The following TSGA10 variants were observed in gnomAD, a reference collection of about 807,000 sequenced individuals.
TSGA10 encodes the protein testis-specific gene 10 protein.
In TSGA10, 43 loss-of-function variants were observed where a neutral mutation model predicts 96.6. The ratio of observed to expected loss-of-function variants is 0.44; its 90% CI spans 0.35 to 0.57. The LOEUF is 0.57. TSGA10 is among the 20% of genes least tolerant of loss of function. The probability of loss-of-function intolerance (pLI) is 0.01; values close to 1 mark genes in which losing one functional copy is unlikely to be tolerated. For synonymous variants in TSGA10, 229 were observed against 269.9 expected (o/e 0.85, Z 1.48); for missense variants, 703 against 834.4 (o/e 0.84, Z 1.94).
chr2:99,124,084 C>T (rs1468032776), intron 2 of TSGA10, among the ~76,000 whole-genome samples: 1 of 152,240 alleles, frequency 6.6e-6, no homozygotes, highest in Non-Finnish European at 1.5e-5. Context: ...CTCCATTTTA[C>T]ATTCCCATCG....
chr2:99,056,741 C>T (rs1029907218), intron 16 of TSGA10, among the ~76,000 whole-genome samples: 3 of 149,420 alleles, frequency 2.0e-5, no homozygotes, highest in African/African-American at 7.4e-5. Context: ...GCCAGTCTCA[C>T]TCTGATATTA....
intron 17 of TSGA10, among the ~76,000 whole-genome samples, chr2:99,026,179 G>A (rs752200407): frequency 3.3e-5 from 5 of 151,960 alleles, no homozygotes; most frequent in Admixed American, 2.6e-4. Context: ...TTGAAAGTGG[G>A]GTATTGACAT....
intron 11 of TSGA10, among the ~76,000 whole-genome samples, chr2:99,079,407 C>G (rs917398759): frequency 6.6e-6 from 1 of 152,142 alleles, no homozygotes; most frequent in Non-Finnish European, 1.5e-5. Flanking sequence ...ATGATTGGTA[C>G]AGAAGAATAG....
chr2:99,002,195 G>A (rs57166293), intron 20 of TSGA10, among the ~76,000 whole-genome samples: 4,473 of 152,164 alleles, frequency 0.029, 209 homozygotes, highest in African/African-American at 0.099. Context: ...CAGATTCACC[G>A]AAGTTGAAAT....
intron 20 of TSGA10, among the ~76,000 whole-genome samples, chr2:99,011,997 G>C (rs1028123780): frequency 2.0e-5 from 3 of 152,140 alleles, no homozygotes; most frequent in African/African-American, 7.2e-5. Flanking sequence ...TTTCTCAGCA[G>C]AAACCCTACA....
chr2:99,008,697 A>G (rs2078714935), intron 20 of TSGA10, among the ~76,000 whole-genome samples: 1 of 152,226 alleles, frequency 6.6e-6, no homozygotes, highest in South Asian at 2.1e-4. Context: ...AGATACTGCA[A>G]CATGAGAATA....
At chr2:99,111,315 GTTCAA>G (rs2091790257) in intron 4 of TSGA10, among the ~76,000 whole-genome samples, 1 of 152,202 alleles carries the variant, frequency 6.6e-6, no homozygotes, top group African/African-American at 2.4e-5. Flanking sequence ...CAACTGCTTA[GTTCAA>G]TTCAATCCAC....
intron 16 of TSGA10, among the ~76,000 whole-genome samples, chr2:99,059,913 CA>C (rs35460548): frequency 0.039 from 2,115 of 54,424 alleles, 15 homozygotes; most frequent in South Asian, 0.093. Flanking sequence ...GACCCCATCT[CA>C]AAAAAAAAAA....
At chr2:99,098,545 T>TA (rs1465084737) in intron 10 of TSGA10, among the ~76,000 whole-genome samples, 2 of 143,474 alleles carry the variant, frequency 1.4e-5, no homozygotes, top group African/African-American at 5.2e-5. Flanking sequence ...AAAAGAAATC[T>TA]AAAAAAAATA....
chr2:99,098,159 C>T (rs192484248), intron 10 of TSGA10, among the ~76,000 whole-genome samples: 7 of 151,872 alleles, frequency 4.6e-5, no homozygotes, highest in Non-Finnish European at 7.4e-5. Context: ...AAGGCCTAGC[C>T]GGGCACGGTG....
At position 98,998,796 on chromosome 2, in the gene TSGA10, T is replaced by C. The variant is rs139412515; in HGVS notation, c.2073-575A>G. Reference sequence around the variant, plus strand: ...ACTGTGCTAATGTCAATATCCCAGTTTGTAAGATACTCCATTATAGAAGCT... The same window carrying C: ...ACTGTGCTAATGTCAATATCCCAGTCTGTAAGATACTCCATTATAGAAGCT... On this transcript the variant is annotated intron_variant, in intron 20 of 20. Coordinates refer to ENST00000393483, the MANE Select transcript of TSGA10 (RefSeq NM_025244.4). Among the ~76,000 whole-genome samples, 399 of 152,312 alleles carry C rather than the reference T, an allele frequency of 2.6e-3. 2 individuals carry two copies. The highest frequency in any genetic ancestry group is 9.0e-3 in the African/African-American group (374 of 41,576).
intron 10 of TSGA10, among the ~76,000 whole-genome samples, chr2:99,091,826 G>A (rs1016516490): frequency 6.6e-6 from 1 of 152,010 alleles, no homozygotes; most frequent in Non-Finnish European, 1.5e-5. Context: ...AATAGTGGGG[G>A]ACTTCAATAC....
chr2:99,074,608 ATAATT>A (rs1243080594), intron 12 of TSGA10, among the ~76,000 whole-genome samples: 4 of 152,240 alleles, frequency 2.6e-5, no homozygotes, highest in Non-Finnish European at 4.4e-5. Flanking sequence ...TTTTTGAAAT[ATAATT>A]TAATACATTT....
chr2:99,122,244 G>A (rs996096029), intron 2 of TSGA10, among the ~76,000 whole-genome samples: 12 of 151,996 alleles, frequency 7.9e-5, no homozygotes, highest in African/African-American at 1.4e-4. Context: ...AGAATTCTAC[G>A]TTGATTTATT....
chr2:99,127,878 C>T (rs1403372460), intron 1 of TSGA10, among the ~76,000 whole-genome samples: 2 of 152,146 alleles, frequency 1.3e-5, no homozygotes, highest in South Asian at 2.1e-4. Context: ...CAAATAATTT[C>T]ATTTCTAGAA....
intron 7 of TSGA10, among the ~76,000 whole-genome samples, chr2:99,106,286 T>C (rs2091325627): frequency 6.6e-6 from 1 of 152,190 alleles, no homozygotes; most frequent in Non-Finnish European, 1.5e-5. Context: ...TCTATTCAGA[T>C]AGTCTCCAAG....
At chr2:99,143,527 T>C (rs975196172) in intron 1 of TSGA10, among the ~76,000 whole-genome samples, 17 of 150,374 alleles carry the variant, frequency 1.1e-4, no homozygotes, top group African/African-American at 3.2e-4. Context: ...CTGGAGTGCG[T>C]TGGCATGATC....
intron 12 of TSGA10, among the ~76,000 whole-genome samples, chr2:99,074,606 A>G (rs1025412453): frequency 2.0e-5 from 3 of 152,238 alleles, no homozygotes; most frequent in African/African-American, 7.2e-5. Context: ...CATTTTTGAA[A>G]TATAATTTAA....
chr2:99,103,279 T>C (rs904455995), intron 10 of TSGA10, among the ~76,000 whole-genome samples: 22 of 152,128 alleles, frequency 1.4e-4, no homozygotes, highest in Non-Finnish European at 2.1e-4. Context: ...CACCTAGATA[T>C]TAAGCTATTA....
Sources: gnomAD v4.1 joint callset for allele counts (sites outside exome capture counted in the v4.1 genomes callset) on GRCh38, gnomAD v4.1.1 for gene constraint, MANE v1.5 for transcripts, NCBI Gene and HGNC (gene_info 2026-07-23, HGNC 2026-07-21) for gene names.